Variants in WDR1 observed in about 807,000 individuals in gnomAD.
WDR1 encodes the protein WD repeat domain 1.
A neutral mutation model predicts 71.9 loss-of-function variants in WDR1; 21 were observed. The observed-to-expected ratio is 0.29, with a 90% confidence interval of 0.21 to 0.42. The LOEUF (loss-of-function observed/expected upper bound fraction) is 0.42, where lower values mean the gene tolerates loss of function less well. WDR1 is among the 10% of genes least tolerant of loss of function. WDR1 has a pLI of 1.00. For synonymous variants in WDR1, 424 were observed against 347.4 expected (o/e 1.22, Z -2.45); for missense variants, 696 against 824.5 (o/e 0.84, Z 1.91).
chr4:10,104,022 G>T, intron 2 of WDR1, 36 bp from the exon 3 acceptor site: 1 of 1,562,662 alleles, frequency 6.4e-7, no homozygotes, highest in East Asian at 2.4e-5. Flanking sequence ...CAGAAGGAAT[G>T]GAGAAGCAGT....
At chr4:10,080,344 T>C (rs1764962813) in intron 11 of WDR1, among the ~76,000 whole-genome samples, 3 of 143,034 alleles carry the variant, frequency 2.1e-5, no homozygotes, top group African/African-American at 7.6e-5. Context: ...AGCCCTGCTG[T>C]GCAGAGATAG....
In WDR1 at chr4:10,107,370, G is replaced by A. The variant is rs367818810; in HGVS notation, c.139-3384C>T. On this transcript the variant is annotated intron_variant, in intron 2 of 14. Coordinates refer to ENST00000499869, the MANE Select transcript of WDR1 (RefSeq NM_017491.5). ...AGTCCTCCTGTTCTTCCTGGGAAGA[G>A]CGATAACTGCTTTGGAATGCATCTC... Among the ~76,000 whole-genome samples the A allele has an allele frequency of 1.7e-4, 26 of 152,280 alleles. No individual in the cohort carries two copies. The South Asian group carries it at 3.3e-3, about 19-fold the overall frequency.
chr4:10,090,745 T>A (rs1711916576), intron 5 of WDR1, among the ~76,000 whole-genome samples: 1 of 152,190 alleles, frequency 6.6e-6, no homozygotes, highest in South Asian at 2.1e-4. Flanking sequence ...TTAACTTAGA[T>A]GAAAGCCGGA....
At chr4:10,103,063 A>T (rs576904838) in intron 3 of WDR1, among the ~76,000 whole-genome samples, 138 of 152,282 alleles carry the variant, frequency 9.1e-4, no homozygotes, top group African/African-American at 3.3e-3. Context: ...TAAGTAAATA[A>T]AAAAACATCC....
At chr4:10,095,653 C>A (rs1383759860) in intron 5 of WDR1, among the ~76,000 whole-genome samples, 1 of 152,218 alleles carries the variant, frequency 6.6e-6, no homozygotes, top group Non-Finnish European at 1.5e-5. Context: ...TGTGGGGTCC[C>A]TGAGCACCCT....
chr4:10,085,849 G>T lies in WDR1; in HGVS notation c.952-1319C>A, dbSNP rs116608920. ...AGATCAGCACCGAACATCAGCATCT[G>T]CGTGACTCACACAGGTGTGGCATTT... is the stretch of plus-strand genomic sequence containing the variant. On this transcript the variant is annotated intron_variant, in intron 8 of 14. Transcript: ENST00000499869. Among the ~76,000 whole-genome samples the T allele has an allele frequency of 4.0e-3, 613 of 152,358 alleles. 6 individuals are homozygous for T. The highest frequency in any genetic ancestry group is 0.014 in the African/African-American group (573 of 41,586).
intron 2 of WDR1, among the ~76,000 whole-genome samples, chr4:10,115,178 G>C (rs527910886): frequency 1.4e-4 from 21 of 152,168 alleles, no homozygotes; most frequent in Non-Finnish European, 2.2e-4. Context: ...ATCACCCAAT[G>C]GCCGGGCCGG....
At chr4:10,081,504 A>T in intron 10 of WDR1, 60 bp from the exon 11 acceptor site, 1 of 1,514,336 alleles carries the variant, frequency 6.6e-7, no homozygotes, top group East Asian at 2.3e-5. Flanking sequence ...GTAGGTATGC[A>T]TACATATTTA....
In WDR1 at chr4:10,075,436, T is replaced by C. The variant is rs749707000; in HGVS notation, c.1763A>G (p.His588Arg). 3.7e-6 allele frequency: 6 copies of C among 1,614,000 alleles called. No individual in the cohort carries two copies. In the Admixed American group the frequency reaches 6.7e-5, roughly 18 times the overall value. The part of the protein sequence containing the change: ...HVSSLAWLDE[H>R]TLVTTSHDAS... ...ATCATGGGAGGTCGTGACCAGCGTG[T>C]GCTCGTCCAGCCAGGCCAGGCTGCT... The change falls in exon 15 of 15, where the codon CAC becomes CGC. Residue 588 changes from histidine to arginine, a missense_variant. Transcript: ENST00000499869.
rs1177461456 is a variant in WDR1, at chr4:10,099,037, G to T, written c.332C>A (p.Thr111Asn). 1 of 1,613,998 alleles carries T rather than the reference G, an allele frequency of 6.2e-7. No individual in the cohort carries two copies. Among genetic ancestry groups the T allele is most frequent in the Non-Finnish European group, 8.5e-7 (1 of 1,179,896 alleles). Residue 111 changes from threonine (T) to asparagine (N), a missense_variant, in exon 4 of 15, where the codon ACT (threonine) becomes AAT (asparagine). Transcript: ENST00000499869. ...CACGGCGATCCTCTTACTGTCTTCA[G>T]TCCAAGCAATGTCTTTGATCTTCCC... ...FAGKIKDIAW[T>N]EDSKRIAVVG... is the part of the protein sequence containing the mutation.
chr4:10,108,138 C>T (rs1366589645), intron 2 of WDR1: 1 of 152,192 alleles, frequency 6.6e-6, no homozygotes, highest in East Asian at 1.9e-4. Flanking sequence ...CACACAGAAG[C>T]GACATTTCCG....
intron 2 of WDR1, among the ~76,000 whole-genome samples, chr4:10,114,360 C>T (rs1713577205): frequency 6.6e-6 from 1 of 152,228 alleles, no homozygotes; most frequent in Non-Finnish European, 1.5e-5. Flanking sequence ...TGAATGACCA[C>T]TCCATTAGAA....
rs1259249160 is a variant in WDR1 at position 10,084,502 on chromosome 4, G to A, written c.980C>T (p.Thr327Met). The A allele has an allele frequency of 1.1e-5, 17 of 1,613,828 alleles. No individual in the cohort carries two copies. Among genetic ancestry groups the A allele is most frequent in the East Asian group, 2.2e-5 (1 of 44,868 alleles). Residue 327 changes from threonine to methionine, a missense_variant, in exon 9 of 15, where the codon ACG becomes ATG. Thr to Met is a moderately conservative substitution (Grantham distance 81, BLOSUM62 -1). Transcript: ENST00000499869. The stretch of plus-strand genomic sequence containing the variant: ...GGACTTGCCGCCGTTTTTATGCACC[G>A]TCAGACACTGGATCGATTTACTGTG... ...KGHSKSIQCLTVHKNGGKSYI... is the reference protein window; with the variant it reads ...KGHSKSIQCLMVHKNGGKSYI...
intron 5 of WDR1, among the ~76,000 whole-genome samples, chr4:10,089,782 G>A (rs918577670): frequency 2.3e-4 from 35 of 152,204 alleles, no homozygotes; most frequent in Non-Finnish European, 5.9e-5. Flanking sequence ...AGTAAATCAC[G>A]GACTTAATTT....
intron 6 of WDR1, 112 bp downstream of exon 6, chr4:10,088,552 G>T: frequency 1.7e-6 from 2 of 1,150,100 alleles, no homozygotes; most frequent in South Asian, 2.6e-5. Context: ...TGGGGAGGGC[G>T]ATGTCTAAGT....
chr4:10,075,289 C>A lies in WDR1; in HGVS notation c.*89G>T. ...TTGTGGTGGGGTGGGGGCATGGGGG[C>A]GCGTCACAGAAATAGAGAAATGACA... is the stretch of plus-strand genomic sequence containing the variant. On this transcript the variant is annotated 3_prime_UTR_variant, in exon 15 of 15. Transcript: ENST00000499869. 8.4e-7 allele frequency: 1 copy of A among 1,192,214 alleles called. No individual in the cohort carries two copies. The highest frequency in any genetic ancestry group is 1.2e-6 in the Non-Finnish European group (1 of 824,342). The allele number at this position is 1,192,214 out of a possible 1,614,324, so 73.9% of individuals were successfully genotyped here.
At chr4:10,089,501 C>T (rs1022757287) in intron 5 of WDR1, among the ~76,000 whole-genome samples, 2 of 112,292 alleles carry the variant, frequency 1.8e-5, no homozygotes, top group African/African-American at 5.4e-5. Flanking sequence ...CCAGGGGCGA[C>T]TCTGTTACTC....
At chr4:10,084,636 C>T (rs1765141284) in intron 8 of WDR1, 106 bp from the exon 9 acceptor site, 1 of 1,052,402 alleles carries the variant, frequency 9.5e-7, no homozygotes, top group African/African-American at 1.6e-5. Flanking sequence ...GGGCAGACGC[C>T]CCTCAATCCA....
intron 9 of WDR1, chr4:10,083,729 C>G: frequency 4.4e-6 from 2 of 456,702 alleles, no homozygotes; most frequent in South Asian, 3.1e-5. Context: ...TGCCCAGGCA[C>G]TCTGCAGATG....
Sources: allele counts gnomAD v4.1 joint callset (sites outside exome capture counted in the v4.1 genomes callset), GRCh38; gene constraint gnomAD v4.1.1; transcripts MANE v1.5; gene names NCBI Gene and HGNC (gene_info 2026-07-23, HGNC 2026-07-21).